The following TBC1D16 variants were observed in gnomAD, a reference collection of about 807,000 sequenced individuals.
TBC1D16 encodes the protein CTD-2529O21.1.
Under a neutral mutation model 74.7 loss-of-function variants are expected in TBC1D16, and 58 were observed. The ratio of observed to expected loss-of-function variants is 0.78; its 90% CI spans 0.63 to 0.97. The LOEUF (loss-of-function observed/expected upper bound fraction) is 0.97, where lower values mean the gene tolerates loss of function less well. TBC1D16 is among the 50% of genes least tolerant of loss of function. TBC1D16 has a pLI of 0.00. For synonymous variants in TBC1D16, 493 were observed against 474.7 expected, an observed-to-expected ratio of 1.04 and a Z score of -0.50; for missense variants, 1,014 against 1,079.5, an observed-to-expected ratio of 0.94 and a Z score of 0.85.
At chr17:79,998,345 T>G (rs2035355898) in intron 3 of TBC1D16, among the ~76,000 whole-genome samples, 1 of 151,084 alleles carries the variant, frequency 6.6e-6, no homozygotes, top group Non-Finnish European at 1.5e-5. Context: ...TTGTTTTTTT[T>G]GAGATAGGGT....
chr17:79,942,021 G>A (rs1025731015), intron 11 of TBC1D16, 39 bp downstream of exon 11: 21 of 1,548,168 alleles, frequency 1.4e-5, no homozygotes, highest in Non-Finnish European at 1.5e-5. Context: ...GGGCTTTGGG[G>A]GCGGGGCGGG....
Position 79,975,574 on chromosome 17 carries a change from C to T in TBC1D16, c.780-22756G>A, listed in dbSNP as rs771476906. ...CCAGCTCCTGATTTCAAAGGATCAACGAGTGACAGAGGGTTGGGGACTGGG... is the reference window on the plus strand; with the variant it reads ...CCAGCTCCTGATTTCAAAGGATCAATGAGTGACAGAGGGTTGGGGACTGGG... On this transcript the variant is annotated intron_variant, in intron 3 of 11. Transcript: ENST00000310924. This position sits in a 1 kb window ranked among gnomAD's most constrained non-coding sequence, Gnocchi z 4.5. Among the ~76,000 whole-genome samples, 24 of 152,304 alleles carry T rather than the reference C, an allele frequency of 1.6e-4. No individual in the cohort carries two copies. Among genetic ancestry groups the T allele is most frequent in the Middle Eastern group, 3.4e-3 (1 of 294 alleles).
chr17:79,940,873 C>A lies in TBC1D16; in HGVS notation c.2290G>T (p.Gly764Cys), dbSNP rs367785113. 1 of 1,551,784 alleles carries A rather than the reference C, an allele frequency of 6.4e-7. No homozygotes were observed. The highest frequency in any genetic ancestry group is 8.8e-7 in the Non-Finnish European group (1 of 1,141,710). ...GGGGGCCCGACCTATCTGCGGAAGC[C>A]GAAGCCGTCCTGCGGCGTCTTTGGG... ...KGPKTPQDGF[G>C]FRR The change falls in exon 12 of 12, where the codon GGC becomes TGC. Residue 764 changes from glycine to cysteine, a missense_variant. By Grantham distance (159) the Gly-to-Cys change is radical. Transcript: ENST00000310924. The surrounding 1 kb of genome is among the most constrained non-coding windows in gnomAD (Gnocchi z 5.4).
At chr17:79,955,316 G>A (rs982723697) in intron 3 of TBC1D16, among the ~76,000 whole-genome samples, 44 of 152,230 alleles carry the variant, frequency 2.9e-4, no homozygotes, top group African/African-American at 7.9e-4. Flanking sequence ...GGTGCCCCTC[G>A]AGGCCGGCTG....
In TBC1D16 at chr17:79,975,426, T is replaced by G. The variant is rs1201777289; in HGVS notation, c.780-22608A>C. ...AACCCTTGCCTCCTACATGGCCTAC[T>G]TAAAAGGCTGCTGAGAGCCAGCCAG... On this transcript the variant is annotated intron_variant, in intron 3 of 11. Transcript: ENST00000310924. The surrounding 1 kb of genome is among the most constrained non-coding windows in gnomAD (Gnocchi z 4.5). 6.6e-6 allele frequency among the ~76,000 whole-genome samples: 1 copy of G among 152,196 alleles called. No homozygotes were observed. The highest frequency in any genetic ancestry group is 1.5e-5 in the Non-Finnish European group (1 of 68,020).
In TBC1D16 at chr17:79,938,032, CCCT is replaced by C. The variant is rs1264706830; in HGVS notation, c.*2824_*2826del. ...GGATGGCCGTGCAGGGCTGATTATC[CCCT>C]ATTTGCACGTTCTGGCGGTGGGAAG... is the stretch of plus-strand genomic sequence containing the variant. On this transcript the variant is annotated 3_prime_UTR_variant, in exon 12 of 12. Transcript: ENST00000310924. The C allele has an allele frequency of 6.6e-6, 1 of 152,202 alleles. No homozygotes were observed. The highest frequency in any genetic ancestry group is 1.5e-5 in the Non-Finnish European group (1 of 68,032). The allele number at this position is 152,202 out of a possible 1,614,324, so 9.4% of individuals were successfully genotyped here. A position where few individuals can be genotyped will look rare whatever the true frequency, so the allele number is the denominator to read the frequency against.
chr17:79,948,563 G>A (rs2032760349), intron 8 of TBC1D16, among the ~76,000 whole-genome samples: 1 of 152,206 alleles, frequency 6.6e-6, no homozygotes, highest in Non-Finnish European at 1.5e-5. Context: ...CCCACGGGGA[G>A]ATGGAGGGGG....
intron 3 of TBC1D16, among the ~76,000 whole-genome samples, chr17:79,984,862 G>C (rs1361603922): frequency 2.0e-5 from 3 of 152,056 alleles, no homozygotes; most frequent in Non-Finnish European, 4.4e-5. Flanking sequence ...ACAAAAAGCA[G>C]GTCCTAAGGC....
In TBC1D16 at chr17:80,007,813, G is replaced by C. The variant is rs148787019; in HGVS notation, c.779+2347C>G. ...GACGAACTTGGAGGTGTGCACAGTG[G>C]GGGGTGGGGAGGCAGGCAGCATCGC... On this transcript the variant is annotated intron_variant, in intron 3 of 11. Transcript: ENST00000310924. This position sits in a 1 kb window ranked among gnomAD's most constrained non-coding sequence, Gnocchi z 4.5. 3.5e-3 allele frequency among the ~76,000 whole-genome samples: 531 copies of C among 152,192 alleles called. 3 individuals carry two copies. The highest frequency in any genetic ancestry group is 0.012 in the African/African-American group (508 of 41,524).
In TBC1D16 at chr17:80,001,113, T is replaced by C. The variant is rs867135022; in HGVS notation, c.779+9047A>G. Among the ~76,000 whole-genome samples, 5 of 152,328 alleles carry C rather than the reference T, an allele frequency of 3.3e-5. No homozygotes were observed. The highest frequency in any genetic ancestry group is 7.4e-5 in the Non-Finnish European group (5 of 68,026). ...ACTGCTGGGGCGAGGCTATGTCCTG[T>C]GGCCATTTCTAGACTGACTATGGCC... On this transcript the variant is annotated intron_variant, in intron 3 of 11. Transcript: ENST00000310924. This position sits in a 1 kb window ranked among gnomAD's most constrained non-coding sequence, Gnocchi z 5.8.
chr17:79,968,842 C>CAAAAAAAAAAAAAAAAAAAAA (rs34365366), intron 3 of TBC1D16, among the ~76,000 whole-genome samples: 1 of 55,392 alleles, frequency 1.8e-5, no homozygotes, highest in Non-Finnish European at 3.0e-5. Context: ...GATGCCGTCT[C>CAAAAAAAAAAAAAAAAAAAAA]AAAAAAAAAA....
intron 3 of TBC1D16, among the ~76,000 whole-genome samples, chr17:79,969,842 C>T (rs967263756): frequency 3.2e-4 from 49 of 151,350 alleles, no homozygotes; most frequent in Admixed American, 1.1e-3. Flanking sequence ...CTTGGGAGGC[C>T]GAGGCAGGAG....
chr17:79,969,611 G>A (rs1347527252), intron 3 of TBC1D16, among the ~76,000 whole-genome samples: 1 of 152,068 alleles, frequency 6.6e-6, no homozygotes, highest in Admixed American at 6.6e-5. Flanking sequence ...GTTAACATTT[G>A]ACCAAGTAAT....
intron 3 of TBC1D16, among the ~76,000 whole-genome samples, chr17:79,995,058 G>A (rs1265040725): frequency 6.6e-6 from 1 of 152,032 alleles, no homozygotes; most frequent in African/African-American, 2.4e-5. Context: ...CCAGCACATT[G>A]GGAGGCCAAG....
In TBC1D16 at chr17:79,980,895, G is replaced by A. The variant is rs989673174; in HGVS notation, c.780-28077C>T. On this transcript the variant is annotated intron_variant, in intron 3 of 11. Transcript: ENST00000310924. This position sits in a 1 kb window ranked among gnomAD's most constrained non-coding sequence, Gnocchi z 7.0. ...CCTGTGAGTTGAGCCAGAGCTGACC[G>A]GGAGCTGCTGGGACCATGGCTAGGG... 1.3e-5 allele frequency among the ~76,000 whole-genome samples: 2 copies of A among 152,172 alleles called. No homozygotes were observed. The highest frequency in any genetic ancestry group is 4.8e-5 in the African/African-American group (2 of 41,444).
rs72847453 is a variant in TBC1D16 at position 79,936,989 on chromosome 17, T to C, written c.*3870A>G. 3.4e-3 allele frequency: 520 copies of C among 151,354 alleles called. 1 individual carries two copies. Among genetic ancestry groups the C allele is most frequent in the Non-Finnish European group, 6.1e-3 (417 of 68,046 alleles). 9.4% of individuals were successfully genotyped at this position (151,354 alleles called of 1,614,324 possible). On this transcript the variant is annotated 3_prime_UTR_variant, in exon 12 of 12. Coordinates refer to ENST00000310924, the MANE Select transcript of TBC1D16 (RefSeq NM_019020.4). ...CTCCTTCCTCTGAGGCAAAGTGGCC[T>C]GCAGGGGCCCCTGCAGAGCATACAG...
At chr17:79,955,609 T>C (rs2033298711) in intron 3 of TBC1D16, among the ~76,000 whole-genome samples, 1 of 152,252 alleles carries the variant, frequency 6.6e-6, no homozygotes, top group Non-Finnish European at 1.5e-5. Flanking sequence ...AATTATGTGA[T>C]GCATTGGAAC....
rs372257405 is a variant in TBC1D16 at position 80,010,375 on chromosome 17, C to T, written c.564G>A (p.Ser188=). 4.3e-6 allele frequency: 7 copies of T among 1,611,900 alleles called. No homozygotes were observed. The highest frequency in any genetic ancestry group is 2.7e-5 in the African/African-American group (2 of 74,894). ...QPACSPSGIL[S]TVSPQDVTEE... is the part of the protein sequence containing the mutation. ...CGGTGACATCCTGCGGACTGACCGT[C>T]GACAAGATCCCGGAGGGGCTGCAAG... The change falls in exon 3 of 12, where the codon TCG becomes TCA. Residue 188 remains serine, a synonymous_variant. Transcript: ENST00000310924. This position sits in a 1 kb window ranked among gnomAD's most constrained non-coding sequence, Gnocchi z 8.8.
chr17:79,953,612 T>C (rs2033186608), intron 3 of TBC1D16, among the ~76,000 whole-genome samples: 1 of 152,232 alleles, frequency 6.6e-6, no homozygotes. Flanking sequence ...CTCACCAGCA[T>C]ACTGTGCAGC....
Sources: gnomAD v4.1 joint callset for allele counts (sites outside exome capture counted in the v4.1 genomes callset) on GRCh38, gnomAD v4.1.1 for gene constraint, Gnocchi (gnomAD v3.1) non-coding constraint, MANE v1.5 for transcripts, NCBI Gene and HGNC (gene_info 2026-07-23, HGNC 2026-07-21) for gene names.